Variants in CFAP47 observed in about 807,000 individuals in gnomAD.
CFAP47 encodes cilia- and flagella-associated protein 47.
Under a neutral mutation model 148.1 loss-of-function variants are expected in CFAP47, and 29 were observed. The ratio of observed to expected loss-of-function variants is 0.20; its 90% confidence interval spans 0.15 to 0.27. CFAP47 has a LOEUF of 0.27. Among genes scored for constraint, CFAP47 ranks in the 10% least tolerant of loss-of-function variants. The pLI is 1.00. For missense variants in CFAP47, 1,872 were observed against 1,697.5 expected, an observed-to-expected ratio of 1.10 and a Z score of -1.81; for synonymous variants, 664 against 577.3, an observed-to-expected ratio of 1.15 and a Z score of -2.15.
At chrX:35,944,306 G>C (rs1936054617) in intron 3 of CFAP47, among the ~76,000 whole-genome samples, 1 of 110,858 alleles carries the variant, frequency 9.0e-6, no homozygotes, top group Non-Finnish European at 1.9e-5. Flanking sequence ...TGATGCCATG[G>C]CATCTCCATA....
chrX:36,234,785 G>T lies in CFAP47; in HGVS notation c.7015-1149G>T, dbSNP rs782669718. ...CCTTTGATGATGGTGAGGTACAGAT[G>T]GGTTTTTGGTGTGGATGTCCTTTCT... is the stretch of plus-strand genomic sequence containing the variant. On this transcript the variant is annotated intron_variant, in intron 46 of 63. Transcript: ENST00000378653. 1.2e-4 allele frequency among the ~76,000 whole-genome samples: 13 copies of T among 111,536 alleles called. No individual in the cohort carries two copies. In the East Asian group the frequency reaches 2.0e-3, roughly 17 times the overall value.
intron 26 of CFAP47, among the ~76,000 whole-genome samples, chrX:36,064,247 ATTTAAG>A (rs1937617746): frequency 8.9e-6 from 1 of 111,973 alleles, no homozygotes. Context: ...TATCAAGGAA[ATTTAAG>A]TTTAAGAATG....
At chrX:36,093,570 C>G (rs1217385651) in intron 30 of CFAP47, among the ~76,000 whole-genome samples, 1 of 110,105 alleles carries the variant, frequency 9.1e-6, no homozygotes, top group Non-Finnish European at 1.9e-5. Context: ...TGATAAATGC[C>G]TTTTCAAATA....
chrX:36,035,051 C>G (rs1375820069), intron 23 of CFAP47, among the ~76,000 whole-genome samples: 1 of 110,798 alleles, frequency 9.0e-6, no homozygotes, highest in Non-Finnish European at 1.9e-5. Context: ...ACCACAATGT[C>G]CATTCCCATC....
intron 39 of CFAP47, among the ~76,000 whole-genome samples, chrX:36,175,797 G>T (rs939753356): frequency 8.8e-6 from 1 of 113,332 alleles, no homozygotes; most frequent in African/African-American, 3.2e-5. Flanking sequence ...ACAGAGGCAG[G>T]CAGGCCTCCT....
At position 35,922,779 on chromosome X, in the gene CFAP47, A is replaced by G. The variant is rs1431878514; in HGVS notation, c.249+2731A>G. Among the ~76,000 whole-genome samples, 3 of 112,524 alleles carry G rather than the reference A, an allele frequency of 2.7e-5. No homozygotes were observed. The South Asian group carries it at 1.1e-3, about 41-fold the overall frequency. On this transcript the variant is annotated intron_variant, in intron 1 of 63. Coordinates refer to ENST00000378653, the MANE Select transcript of CFAP47 (RefSeq NM_001304548.2). The stretch of plus-strand genomic sequence containing the variant: ...CACTATTTAGACTCAGCCTCACATT[A>G]GAATCCCTGAATAATCATTTTCAAC...
At chrX:36,203,766 C>G (rs1410141517) in intron 44 of CFAP47, among the ~76,000 whole-genome samples, 1 of 111,890 alleles carries the variant, frequency 8.9e-6, no homozygotes, top group Middle Eastern at 4.2e-3. Flanking sequence ...TATTAAGTGT[C>G]CACTTTACGA....
At chrX:36,118,777 A>C (rs1167503585) in intron 33 of CFAP47, among the ~76,000 whole-genome samples, 1 of 112,052 alleles carries the variant, frequency 8.9e-6, no homozygotes, top group Non-Finnish European at 1.9e-5. Context: ...CCCATGCTAG[A>C]AACATTTTAC....
intron 45 of CFAP47, among the ~76,000 whole-genome samples, chrX:36,214,887 G>A (rs910750148): frequency 5.0e-4 from 56 of 111,082 alleles, no homozygotes; most frequent in African/African-American, 1.8e-3. Flanking sequence ...TTTTTAGCAG[G>A]ACACCCTAAA....
At chrX:36,149,622 T>G (rs1939283033) in intron 37 of CFAP47, among the ~76,000 whole-genome samples, 1 of 107,868 alleles carries the variant, frequency 9.3e-6, no homozygotes, top group African/African-American at 3.4e-5. Context: ...ATTTTATTTT[T>G]TTTTGAGACT....
intron 57 of CFAP47, among the ~76,000 whole-genome samples, chrX:36,346,154 A>T (rs1941695623): frequency 9.1e-6 from 1 of 110,006 alleles, no homozygotes; most frequent in South Asian, 3.8e-4. Context: ...CATTCTTCAA[A>T]CCTCTGGAAA....
intron 33 of CFAP47, among the ~76,000 whole-genome samples, chrX:36,119,732 G>A (rs1453858271): frequency 9.0e-6 from 1 of 111,561 alleles, no homozygotes; most frequent in Admixed American, 9.6e-5. Flanking sequence ...CTTCATTCAT[G>A]TTACTTGTTA....
At chrX:36,027,394 G>A (rs942003657) in intron 22 of CFAP47, among the ~76,000 whole-genome samples, 15 of 109,526 alleles carry the variant, frequency 1.4e-4, no homozygotes, top group Non-Finnish European at 2.9e-4. Flanking sequence ...GTATGTCCAT[G>A]TGTCTCCATC....
chrX:35,934,328 A>C (rs961565169), intron 2 of CFAP47, among the ~76,000 whole-genome samples: 1 of 110,621 alleles, frequency 9.0e-6, no homozygotes, highest in East Asian at 2.9e-4. Flanking sequence ...GCCTCACCCT[A>C]TGGCCGCCAC....
intron 30 of CFAP47, 100 bp downstream of exon 30, chrX:36,085,638 C>A: frequency 5.3e-6 from 2 of 375,328 alleles, no homozygotes; most frequent in Non-Finnish European, 9.1e-6. Context: ...CCTTTCTAAC[C>A]AAACACACAC....
intron 40 of CFAP47, among the ~76,000 whole-genome samples, chrX:36,184,263 A>G (rs1207160595): frequency 8.9e-6 from 1 of 111,818 alleles, no homozygotes; most frequent in Non-Finnish European, 1.9e-5. Flanking sequence ...TGTGACCTGA[A>G]ATATGAGTAA....
chrX:36,289,929 T>G (rs1273950493), intron 51 of CFAP47, among the ~76,000 whole-genome samples: 5 of 110,574 alleles, frequency 4.5e-5, no homozygotes, highest in Non-Finnish European at 7.6e-5. Flanking sequence ...AGGTTGTGTG[T>G]GGGGGAGGGT....
intron 16 of CFAP47, 171 bp downstream of exon 16, chrX:35,989,620 G>A: frequency 9.5e-7 from 1 of 1,053,083 alleles, no homozygotes. Flanking sequence ...ATCATCATGG[G>A]AGCCATTGAA....
intron 60 of CFAP47, among the ~76,000 whole-genome samples, chrX:36,356,410 A>G (rs1440816251): frequency 9.0e-6 from 1 of 111,096 alleles, no homozygotes; most frequent in African/African-American, 3.3e-5. Flanking sequence ...CAAATTTAAC[A>G]TAGTTCTTTC....
Sources: gnomAD v4.1 joint callset for allele counts (sites outside exome capture counted in the v4.1 genomes callset) on GRCh38, gnomAD v4.1.1 for gene constraint, MANE v1.5 for transcripts, NCBI Gene and HGNC (gene_info 2026-07-23, HGNC 2026-07-21) for gene names.